Variants in DACH1 observed in about 807,000 individuals in gnomAD.
The protein encoded by DACH1 is dachshund family transcription factor 1.
Under a neutral mutation model 54.2 loss-of-function variants are expected in DACH1, and 12 were observed. That is an observed-to-expected ratio of 0.22 (90% CI 0.14 to 0.36). DACH1 has a LOEUF of 0.36. DACH1 is among the 10% of genes least tolerant of loss of function. The pLI is 1.00. For missense variants in DACH1, 805 were observed against 929.8 expected (o/e 0.87, Z 1.75); for synonymous variants, 386 against 366.2 (o/e 1.05, Z -0.62).
At chr13:71,605,616 A>T (rs1200406121) in intron 3 of DACH1, among the ~76,000 whole-genome samples, 4 of 152,030 alleles carry the variant, frequency 2.6e-5, no homozygotes, top group Admixed American at 2.0e-4. Flanking sequence ...CTTTTATCAA[A>T]GAATGTTTTC....
intron 1 of DACH1, among the ~76,000 whole-genome samples, chr13:71,759,493 T>G (rs975689622): frequency 6.6e-6 from 1 of 152,210 alleles, no homozygotes; most frequent in African/African-American, 2.4e-5. Context: ...TAAACAATTT[T>G]TAACTCTAAT....
At chr13:71,599,498 A>G (rs1874342718) in intron 3 of DACH1, among the ~76,000 whole-genome samples, 1 of 152,146 alleles carries the variant, frequency 6.6e-6, no homozygotes, top group African/African-American at 2.4e-5. Flanking sequence ...CTTATATGCC[A>G]TCTTCAGGGT....
intron 6 of DACH1, among the ~76,000 whole-genome samples, chr13:71,537,168 C>T (rs564363986): frequency 1.3e-5 from 2 of 152,150 alleles, no homozygotes; most frequent in African/African-American, 4.8e-5. Flanking sequence ...CAGTTTCATC[C>T]TGCTTGAGGG....
At chr13:71,661,755 T>C (rs2138653401) in intron 2 of DACH1, among the ~76,000 whole-genome samples, 1 of 152,106 alleles carries the variant, frequency 6.6e-6, no homozygotes, top group Admixed American at 6.6e-5. Flanking sequence ...ACAACACACC[T>C]GGGAGAGAGT....
Position 71,780,001 on chromosome 13 carries a change from GGAAGGAAT to G in DACH1, c.848+85913_848+85920del, listed in dbSNP as rs1355996590. Among the ~76,000 whole-genome samples the G allele has an allele frequency of 7.9e-3, 1,190 of 151,204 alleles. 18 individuals carry two copies. The highest frequency in any genetic ancestry group is 0.027 in the African/African-American group (1,126 of 41,164). ...GGGTGCTTCAAAAACATCCTATGAA[GGAAGGAAT>G]GAATGAATGAATGAATGAATGAAAA... On this transcript the variant is annotated intron_variant, in intron 1 of 10. Coordinates refer to ENST00000613252, the MANE Select transcript of DACH1 (RefSeq NM_080759.6).
At chr13:71,590,902 A>C (rs1232090825) in intron 3 of DACH1, among the ~76,000 whole-genome samples, 3 of 79,792 alleles carry the variant, frequency 3.8e-5, no homozygotes, top group South Asian at 7.2e-4. Flanking sequence ...TTTTTTTGAG[A>C]TAGAGTCTGG....
chr13:71,497,695 G>A (rs950414435), intron 6 of DACH1, among the ~76,000 whole-genome samples: 1 of 152,076 alleles, frequency 6.6e-6, no homozygotes. Context: ...GTATAATGTT[G>A]ATGAAAGAAT....
intron 3 of DACH1, among the ~76,000 whole-genome samples, chr13:71,627,642 G>C (rs1876755015): frequency 6.6e-6 from 1 of 152,162 alleles, no homozygotes; most frequent in African/African-American, 2.4e-5. Flanking sequence ...CGGTTCTCCT[G>C]GAGGATTCAG....
chr13:71,444,120 G>C (rs1054759134), intron 10 of DACH1, among the ~76,000 whole-genome samples: 4 of 151,958 alleles, frequency 2.6e-5, no homozygotes, highest in Non-Finnish European at 5.9e-5. Context: ...AAAATAAACA[G>C]AACAAAAATT....
Position 71,479,146 on chromosome 13 carries a change from C to CTT in DACH1, c.1870+21_1870+22dup, listed in dbSNP as rs3215901. The CTT allele has an allele frequency of 1.3e-3, 2,135 of 1,583,104 alleles. 41 individuals are homozygous for CTT. The East Asian group carries it at 0.034, about 25-fold the overall frequency. On this transcript the variant is annotated intron_variant, in intron 8 of 10. Coordinates refer to ENST00000613252, the MANE Select transcript of DACH1 (RefSeq NM_080759.6). ...TTTAATATTTTCTGTAAATATTTAA[C>CTT]TTATCTGGAAATTTGGAAATACCTC...
intron 3 of DACH1, among the ~76,000 whole-genome samples, chr13:71,585,587 G>A (rs1413934322): frequency 6.6e-6 from 1 of 152,154 alleles, no homozygotes; most frequent in African/African-American, 2.4e-5. Flanking sequence ...CATAAACGGT[G>A]CGTCTGGATG....
chr13:71,490,113 A>G (rs990140406), intron 6 of DACH1, among the ~76,000 whole-genome samples: 1 of 152,168 alleles, frequency 6.6e-6, no homozygotes, highest in Non-Finnish European at 1.5e-5. Context: ...AAATATTTTC[A>G]TATTTCACCC....
chr13:71,673,030 C>T (rs1880296528), intron 2 of DACH1, among the ~76,000 whole-genome samples: 1 of 152,128 alleles, frequency 6.6e-6, no homozygotes, highest in Admixed American at 6.6e-5. Context: ...TATGGGAAAT[C>T]TACTGAGAGA....
intron 1 of DACH1, among the ~76,000 whole-genome samples, chr13:71,842,058 G>A (rs1872893496): frequency 6.6e-6 from 1 of 152,194 alleles, no homozygotes; most frequent in South Asian, 2.1e-4. Context: ...GTGTACTAAA[G>A]AGTGTAGAAT....
intron 1 of DACH1, among the ~76,000 whole-genome samples, chr13:71,809,072 G>A (rs1887614073): frequency 6.6e-6 from 1 of 152,168 alleles, no homozygotes; most frequent in South Asian, 2.1e-4. Context: ...TAAAATGGAT[G>A]ATTGTTACAT....
chr13:71,632,689 A>C (rs935700089), intron 2 of DACH1, among the ~76,000 whole-genome samples: 1 of 152,118 alleles, frequency 6.6e-6, no homozygotes, highest in Non-Finnish European at 1.5e-5. Flanking sequence ...CCTTCAGATC[A>C]GACCAAAGAG....
intron 4 of DACH1, among the ~76,000 whole-genome samples, chr13:71,571,316 T>G (rs2138411199): frequency 6.6e-6 from 1 of 152,148 alleles, no homozygotes; most frequent in African/African-American, 2.4e-5. Flanking sequence ...CTTAAATGGG[T>G]TTTTCCCTCC....
At chr13:71,452,994 A>AATT (rs1445593137) in intron 10 of DACH1, among the ~76,000 whole-genome samples, 2 of 152,170 alleles carry the variant, frequency 1.3e-5, no homozygotes, top group Non-Finnish European at 2.9e-5. Context: ...TAAAGAAAAA[A>AATT]ATTTATACTG....
At chr13:71,745,000 C>T (rs868408158) in intron 1 of DACH1, among the ~76,000 whole-genome samples, 4 of 152,058 alleles carry the variant, frequency 2.6e-5, no homozygotes, top group African/African-American at 9.7e-5. Context: ...AAATTCATAT[C>T]TCGGAATATT....
Sources: allele counts gnomAD v4.1 joint callset (sites outside exome capture counted in the v4.1 genomes callset), GRCh38; gene constraint gnomAD v4.1.1; transcripts MANE v1.5; gene names NCBI Gene and HGNC (gene_info 2026-07-23, HGNC 2026-07-21).